The following GALNTL6 variants were observed in gnomAD, a reference collection of about 807,000 sequenced individuals.
The protein encoded by GALNTL6 is polypeptide N-acetylgalactosaminyltransferase-like 6.
Under a neutral mutation model 73.7 loss-of-function variants are expected in GALNTL6, and 46 were observed. That is an observed-to-expected ratio of 0.62 (90% confidence interval 0.49 to 0.80). The LOEUF (loss-of-function observed/expected upper bound fraction) is 0.80, where lower values mean the gene tolerates loss of function less well. GALNTL6 is among the 30% of genes least tolerant of loss of function. The pLI, the probability that GALNTL6 is intolerant of heterozygous loss-of-function variation, is 0.00. For missense variants in GALNTL6, 604 were observed against 755.0 expected, an observed-to-expected ratio of 0.80 and a Z score of 2.34; for synonymous variants, 259 against 263.7, an observed-to-expected ratio of 0.98 and a Z score of 0.17.
intron 5 of GALNTL6, among the ~76,000 whole-genome samples, chr4:172,592,846 T>C (rs1737706464): frequency 6.6e-6 from 1 of 152,192 alleles, no homozygotes; most frequent in East Asian, 1.9e-4. Context: ...TTATGATTAA[T>C]GCAAAATGAG....
intron 2 of GALNTL6, among the ~76,000 whole-genome samples, chr4:172,080,232 G>A (rs529415920): frequency 1.2e-3 from 176 of 152,230 alleles, no homozygotes; most frequent in African/African-American, 4.2e-3. Flanking sequence ...TCTTGCTTGA[G>A]TGTAGTGGCA....
chr4:172,232,703 C>A (rs1179226483), intron 3 of GALNTL6, among the ~76,000 whole-genome samples: 1 of 151,956 alleles, frequency 6.6e-6, no homozygotes, highest in Non-Finnish European at 1.5e-5. Flanking sequence ...GACTTTTCCC[C>A]CAATTTGGTG....
Position 172,568,557 on chromosome 4 carries a change from C to T in GALNTL6, c.553+219868C>T, listed in dbSNP as rs190552285. Among the ~76,000 whole-genome samples the T allele has an allele frequency of 3.6e-3, 543 of 151,796 alleles. 2 individuals are homozygous for T. Among genetic ancestry groups the T allele is most frequent in the African/African-American group, 0.013 (519 of 41,408 alleles). On this transcript the variant is annotated intron_variant, in intron 5 of 12. Transcript: ENST00000506823. ...GGATCACGAGGTCAGGAGATTGAGA[C>T]CATCCTGGCTAACACGGTGAAACCC... is the stretch of plus-strand genomic sequence containing the variant.
chr4:171,919,453 T>A (rs1185677810), intron 2 of GALNTL6, among the ~76,000 whole-genome samples: 3 of 152,072 alleles, frequency 2.0e-5, no homozygotes, highest in Non-Finnish European at 4.4e-5. Context: ...AGAAGACGGA[T>A]TATAGAGCCC....
At chr4:172,865,855 T>C (rs1410027668) in intron 7 of GALNTL6, among the ~76,000 whole-genome samples, 1 of 152,190 alleles carries the variant, frequency 6.6e-6, no homozygotes, top group Non-Finnish European at 1.5e-5. Flanking sequence ...ATGGCTTTTA[T>C]GTCAAATCAA....
intron 5 of GALNTL6, among the ~76,000 whole-genome samples, chr4:172,538,128 A>G (rs1735413330): frequency 6.6e-6 from 1 of 152,154 alleles, no homozygotes; most frequent in Admixed American, 6.6e-5. Context: ...TTGGCTGTAT[A>G]TACACAGACA....
At chr4:172,300,108 C>T (rs9683635) in intron 3 of GALNTL6, among the ~76,000 whole-genome samples, 59,491 of 151,946 alleles carry the variant, frequency 0.39, 12,483 homozygotes, top group African/African-American at 0.54. Context: ...TGAATTGATC[C>T]GTTTACCATT....
chr4:171,877,632 A>G (rs769291773), intron 2 of GALNTL6, among the ~76,000 whole-genome samples: 16 of 144,146 alleles, frequency 1.1e-4, no homozygotes, highest in South Asian at 2.2e-4. Context: ...CACTCAAGTG[A>G]AAAAAAAAAA....
At chr4:172,302,004 C>T (rs922330057) in intron 3 of GALNTL6, among the ~76,000 whole-genome samples, 1 of 152,172 alleles carries the variant, frequency 6.6e-6, no homozygotes, top group Non-Finnish European at 1.5e-5. Context: ...CCTTGAGCTG[C>T]GGTGGGCTCC....
chr4:172,175,522 T>A (rs1296073074), intron 2 of GALNTL6, among the ~76,000 whole-genome samples: 1 of 152,122 alleles, frequency 6.6e-6, no homozygotes, highest in Non-Finnish European at 1.5e-5. Context: ...GTCAAAATTT[T>A]AAAAAATGAA....
At chr4:171,875,584 T>A (rs1578932047) in intron 2 of GALNTL6, among the ~76,000 whole-genome samples, 1 of 152,084 alleles carries the variant, frequency 6.6e-6, no homozygotes, top group African/African-American at 2.4e-5. Flanking sequence ...GTATAGTGGT[T>A]AAATCTGTGC....
intron 5 of GALNTL6, among the ~76,000 whole-genome samples, chr4:172,431,817 A>C (rs1212044684): frequency 3.3e-5 from 5 of 152,124 alleles, no homozygotes; most frequent in African/African-American, 1.2e-4. Flanking sequence ...TTTTATATTT[A>C]TGCACTTGAA....
At chr4:172,290,020 A>G (rs1349954307) in intron 3 of GALNTL6, among the ~76,000 whole-genome samples, 1 of 152,198 alleles carries the variant, frequency 6.6e-6, no homozygotes, top group Non-Finnish European at 1.5e-5. Flanking sequence ...TATTTCATCA[A>G]AATTTTCTTT....
At chr4:172,339,224 C>T (rs1257431057) in intron 4 of GALNTL6, among the ~76,000 whole-genome samples, 2 of 150,032 alleles carry the variant, frequency 1.3e-5, no homozygotes, top group Non-Finnish European at 3.0e-5. Context: ...CTCAGGGGAG[C>T]AGGCTGGGGC....
intron 8 of GALNTL6, among the ~76,000 whole-genome samples, chr4:172,911,790 A>G (rs1011005664): frequency 2.0e-5 from 3 of 152,232 alleles, no homozygotes; most frequent in African/African-American, 7.2e-5. Flanking sequence ...GCCTAGGGGC[A>G]ATTATGAATT....
intron 5 of GALNTL6, among the ~76,000 whole-genome samples, chr4:172,761,812 G>A (rs566696899): frequency 7.1e-4 from 108 of 152,236 alleles, no homozygotes; most frequent in African/African-American, 2.5e-3. Context: ...CTGTAGAACT[G>A]TGAGTAAATT....
chr4:172,733,319 T>C (rs1029197264), intron 5 of GALNTL6, among the ~76,000 whole-genome samples: 15 of 152,318 alleles, frequency 9.8e-5, no homozygotes, highest in African/African-American at 3.6e-4. Flanking sequence ...CCTTATATAT[T>C]ACTTGATTAT....
At chr4:172,153,784 C>A (rs1452269682) in intron 2 of GALNTL6, among the ~76,000 whole-genome samples, 1 of 152,130 alleles carries the variant, frequency 6.6e-6, no homozygotes, top group African/African-American at 2.4e-5. Flanking sequence ...TCAGATGTAG[C>A]AAATGCTGAC....
intron 7 of GALNTL6, among the ~76,000 whole-genome samples, chr4:172,847,008 A>G (rs546298912): frequency 6.6e-6 from 1 of 151,880 alleles, no homozygotes; most frequent in East Asian, 1.9e-4. Flanking sequence ...TTCCTGACAT[A>G]GGTTTTTGAG....
Sources: allele counts gnomAD v4.1 joint callset (sites outside exome capture counted in the v4.1 genomes callset), GRCh38; gene constraint gnomAD v4.1.1; transcripts MANE v1.5; gene names NCBI Gene and HGNC (gene_info 2026-07-23, HGNC 2026-07-21).